SDK1: variants seen among roughly 807,000 people sequenced by gnomAD.
The protein encoded by SDK1 is sidekick cell adhesion molecule 1, also known as protein sidekick-1.
Under a neutral mutation model 245.5 loss-of-function variants are expected in SDK1, and 157 were observed. The ratio of observed to expected loss-of-function variants is 0.64; its 90% CI spans 0.56 to 0.73. SDK1 has a LOEUF of 0.73. SDK1 is among the 30% of genes least tolerant of loss of function. SDK1 has a pLI of 0.00. For synonymous variants in SDK1, 1,647 were observed against 1,278.5 expected (o/e 1.29, Z -6.15); for missense variants, 3,583 against 3,002.3 (o/e 1.19, Z -4.52).
At chr7:3,367,917 C>A (rs560286129) in intron 1 of SDK1, among the ~76,000 whole-genome samples, 22 of 152,182 alleles carry the variant, frequency 1.4e-4, no homozygotes, top group African/African-American at 5.1e-4. Context: ...TAGAATAAAC[C>A]AGAACATTCT....
At chr7:4,098,574 C>G (rs1193104445) in intron 22 of SDK1, among the ~76,000 whole-genome samples, 2 of 152,136 alleles carry the variant, frequency 1.3e-5, no homozygotes, top group Admixed American at 6.5e-5. Context: ...GATTAGATTA[C>G]TAAGGTCAAA....
intron 5 of SDK1, among the ~76,000 whole-genome samples, chr7:3,919,231 C>A (rs1436756563): frequency 6.6e-6 from 1 of 152,228 alleles, no homozygotes; most frequent in African/African-American, 2.4e-5. Flanking sequence ...TCCCCCAGGC[C>A]ATAATGAGGG....
intron 4 of SDK1, among the ~76,000 whole-genome samples, chr7:3,758,400 A>G (rs917587065): frequency 2.0e-5 from 3 of 152,188 alleles, no homozygotes; most frequent in African/African-American, 7.2e-5. Flanking sequence ...ATTTATTTAT[A>G]TCATTTTGGA....
rs185895599 is a variant in SDK1, at chr7:3,967,400, C to T, written c.1512C>T (p.Ser504=). The T allele has an allele frequency of 4.0e-5, 65 of 1,613,946 alleles. No individual in the cohort carries two copies. The highest frequency in any genetic ancestry group is 3.1e-4 in the East Asian group (14 of 44,870). ...CAGCCATTCTAAGGTGTGAGGTGTC[C>T]GGGGCTCCCAAACCCGCCATCACCT... ...GMTAILRCEV[S]GAPKPAITWK... The change falls in exon 10 of 45, where the codon TCC becomes TCT. Residue 504 remains serine (S), a synonymous_variant. Coordinates refer to ENST00000404826, the MANE Select transcript of SDK1 (RefSeq NM_152744.4).
chr7:3,498,698 G>A (rs1376552848), intron 1 of SDK1, among the ~76,000 whole-genome samples: 1 of 150,920 alleles, frequency 6.6e-6, no homozygotes, highest in Non-Finnish European at 1.5e-5. Context: ...ATTTGTTACC[G>A]GAATGTCTCA....
Position 3,950,956 on chromosome 7 carries a change from C to A in SDK1, c.881C>A (p.Thr294Asn), listed in dbSNP as rs1377006198. The change falls in exon 6 of 45, where the codon ACC (threonine) becomes AAC (asparagine). Residue 294 changes from threonine to asparagine, a missense_variant. Thr to Asn is a moderately conservative substitution (Grantham distance 65). Coordinates refer to ENST00000404826, the MANE Select transcript of SDK1 (RefSeq NM_152744.4). ...GGCACACCTGAAACCATGGCCCCAACCATTGTGGTTCCCCCGGGCAACAGA... is the reference window on the plus strand; with the variant it reads ...GGCACACCTGAAACCATGGCCCCAAACATTGTGGTTCCCCCGGGCAACAGA... ...DVGTPETMAP[T>N]IVVPPGNRSV... 4.3e-6 allele frequency: 7 copies of A among 1,614,050 alleles called. No individual in the cohort carries two copies. The highest frequency in any genetic ancestry group is 1.7e-5 in the Admixed American group (1 of 60,012).
intron 4 of SDK1, among the ~76,000 whole-genome samples, chr7:3,700,329 G>C (rs986871889): frequency 6.6e-6 from 1 of 152,186 alleles, no homozygotes; most frequent in Non-Finnish European, 1.5e-5. Context: ...CTTTTGAGTT[G>C]TCTAAATTAT....
chr7:4,265,001 A>C, intron 44 of SDK1, 123 bp from the exon 45 acceptor site: 1 of 1,424,938 alleles, frequency 7.0e-7, no homozygotes, highest in Non-Finnish European at 9.3e-7. Context: ...TGGGGTGGGG[A>C]GAGGGCTGGA....
intron 4 of SDK1, among the ~76,000 whole-genome samples, chr7:3,683,702 G>T (rs376818876): frequency 5.3e-5 from 8 of 152,204 alleles, no homozygotes; most frequent in African/African-American, 1.9e-4. Flanking sequence ...GGGACCTTGG[G>T]ACTTGAGGCA....
chr7:3,563,163 T>C (rs985205313), intron 1 of SDK1, among the ~76,000 whole-genome samples: 2 of 151,620 alleles, frequency 1.3e-5, no homozygotes, highest in Admixed American at 1.3e-4. Context: ...CAGAAGAAAA[T>C]TGGATCTAGC....
rs913381576 is a variant in SDK1, at chr7:3,563,331, G to C, written c.299-55749G>C. On this transcript the variant is annotated intron_variant, in intron 1 of 44. Coordinates refer to ENST00000404826, the MANE Select transcript of SDK1 (RefSeq NM_152744.4). ...CCATCGTAAAGATGTATTCTCAGAT[G>C]GGGCGGAAAAACAAGATACAAAAAA... 4.6e-4 allele frequency among the ~76,000 whole-genome samples: 70 copies of C among 152,114 alleles called. 1 individual carries two copies. Among genetic ancestry groups the C allele is most frequent in the African/African-American group, 1.7e-3 (69 of 41,412 alleles).
intron 1 of SDK1, among the ~76,000 whole-genome samples, chr7:3,616,164 G>A (rs1030354775): frequency 3.3e-5 from 5 of 152,138 alleles, no homozygotes; most frequent in African/African-American, 7.2e-5. Flanking sequence ...GGGATTATAG[G>A]CATAAGCCAC....
At chr7:3,495,918 T>C (rs1256060736) in intron 1 of SDK1, among the ~76,000 whole-genome samples, 2 of 152,204 alleles carry the variant, frequency 1.3e-5, no homozygotes, top group South Asian at 2.1e-4. Flanking sequence ...TTTCACACTT[T>C]TCAAAGCTTC....
intron 1 of SDK1, among the ~76,000 whole-genome samples, chr7:3,456,232 C>A (rs1415574377): frequency 6.6e-6 from 1 of 152,172 alleles, no homozygotes; most frequent in Admixed American, 6.5e-5. Context: ...CACTCAGCTT[C>A]TTGAATCTGT....
At chr7:3,758,266 T>A (rs985232425) in intron 4 of SDK1, among the ~76,000 whole-genome samples, 4 of 152,242 alleles carry the variant, frequency 2.6e-5, no homozygotes, top group Non-Finnish European at 4.4e-5. Context: ...GGCTCTTGCT[T>A]ACAGCATTTC....
chr7:3,477,189 C>CCTT (rs1554277190), intron 1 of SDK1, among the ~76,000 whole-genome samples: 1 of 78,626 alleles, frequency 1.3e-5, no homozygotes, highest in African/African-American at 5.1e-5. Flanking sequence ...TGGTTTTCTC[C>CCTT]TTTTTTTTTT....
intron 1 of SDK1, among the ~76,000 whole-genome samples, chr7:3,489,628 C>T (rs1781807863): frequency 6.6e-6 from 1 of 152,104 alleles, no homozygotes; most frequent in South Asian, 2.1e-4. Flanking sequence ...TGATTAGCTA[C>T]CCAGTTTGTT....
rs1562397708 is a variant in SDK1, at chr7:3,723,933, TATATATATATAGAG to T, written c.713+81830_713+81843del. Among the ~76,000 whole-genome samples, 19 of 119,814 alleles carry T rather than the reference TATATATATATAGAG, an allele frequency of 1.6e-4. 1 individual carries two copies. Among genetic ancestry groups the T allele is most frequent in the Admixed American group, 2.6e-4 (3 of 11,466 alleles). 78.6% of individuals were successfully genotyped at this position (119,814 alleles called of 152,430 possible). On this transcript the variant is annotated intron_variant, in intron 4 of 44. Transcript: ENST00000404826. Reference sequence around the variant, plus strand: ...ACATATATATATACACGTATATATATATATATATATAGAGAGAGAGAGAGAGAGAGAGAGAGAGA... The same window carrying T: ...ACATATATATATACACGTATATATATAGAGAGAGAGAGAGAGAGAGAGAGA...
chr7:3,654,072 C>T (rs1783086596), intron 4 of SDK1, among the ~76,000 whole-genome samples: 1 of 152,148 alleles, frequency 6.6e-6, no homozygotes, highest in South Asian at 2.1e-4. Flanking sequence ...ACGTAGCTGT[C>T]TCTGTAACTT....
Sources: allele counts gnomAD v4.1 joint callset (sites outside exome capture counted in the v4.1 genomes callset), GRCh38; gene constraint gnomAD v4.1.1; transcripts MANE v1.5; gene names NCBI Gene and HGNC (gene_info 2026-07-23, HGNC 2026-07-21).